The following SLC24A3 variants were observed in gnomAD, a reference collection of about 807,000 sequenced individuals.
SLC24A3 encodes the protein solute carrier family 24 member 3, also known as sodium/potassium/calcium exchanger 3.
SLC24A3 carries 28 observed loss-of-function variants against 75.8 expected under a neutral mutation model. The ratio of observed to expected loss-of-function variants is 0.37; its 90% confidence interval spans 0.27 to 0.51. SLC24A3 has a LOEUF of 0.51. Ranked by LOEUF, SLC24A3 falls within the 20% of genes least tolerant of loss-of-function variation. SLC24A3 has a pLI of 0.94. For synonymous variants in SLC24A3, 372 were observed against 334.1 expected (o/e 1.11, Z -1.24); for missense variants, 663 against 847.8 (o/e 0.78, Z 2.71).
chr20:19,557,511 G>A (rs1211142528), intron 3 of SLC24A3, among the ~76,000 whole-genome samples: 1 of 152,068 alleles, frequency 6.6e-6, no homozygotes, highest in Non-Finnish European at 1.5e-5. Flanking sequence ...AAACTCAGTA[G>A]CTGTCTCCAA....
intron 3 of SLC24A3, among the ~76,000 whole-genome samples, chr20:19,538,002 A>C (rs986623883): frequency 6.6e-6 from 1 of 152,074 alleles, no homozygotes; most frequent in Non-Finnish European, 1.5e-5. Context: ...CATTGTGCAC[A>C]TGTACCCTAA....
intron 2 of SLC24A3, among the ~76,000 whole-genome samples, chr20:19,327,819 A>G (rs959908766): frequency 6.6e-6 from 1 of 152,150 alleles, no homozygotes; most frequent in Non-Finnish European, 1.5e-5. Flanking sequence ...TTTATTGGAC[A>G]CCCACTGTGT....
At chr20:19,382,445 A>T (rs1017413021) in intron 2 of SLC24A3, among the ~76,000 whole-genome samples, 1 of 152,210 alleles carries the variant, frequency 6.6e-6, no homozygotes, top group Non-Finnish European at 1.5e-5. Flanking sequence ...TAGTGATTGA[A>T]ATTAAGCAAT....
chr20:19,672,033 C>A (rs1486449784), intron 8 of SLC24A3, among the ~76,000 whole-genome samples: 3 of 151,852 alleles, frequency 2.0e-5, no homozygotes, highest in Non-Finnish European at 1.5e-5. Context: ...TCAGATGCTA[C>A]CAGGAAATCG....
chr20:19,215,259 G>A (rs1280579318), intron 1 of SLC24A3, among the ~76,000 whole-genome samples: 2 of 152,184 alleles, frequency 1.3e-5, no homozygotes, highest in African/African-American at 4.8e-5. Context: ...TACAGATACT[G>A]AAGTTTGGAA....
chr20:19,418,865 T>C (rs1301724554), intron 2 of SLC24A3, among the ~76,000 whole-genome samples: 1 of 152,064 alleles, frequency 6.6e-6, no homozygotes, highest in African/African-American at 2.4e-5. Context: ...AGGAGCCAAT[T>C]TGGAGAGATT....
intron 2 of SLC24A3, among the ~76,000 whole-genome samples, chr20:19,419,826 T>TTC (rs1403130190): frequency 3.3e-5 from 5 of 151,370 alleles, no homozygotes; most frequent in African/African-American, 1.2e-4. Flanking sequence ...AGCCAAGTTT[T>TTC]TTTTTTTTTT....
At chr20:19,417,407 C>T (rs946279743) in intron 2 of SLC24A3, among the ~76,000 whole-genome samples, 4 of 152,114 alleles carry the variant, frequency 2.6e-5, no homozygotes, top group Admixed American at 2.6e-4. Context: ...GGAACAATAG[C>T]GGGCAGATGA....
intron 1 of SLC24A3, chr20:19,242,371 C>T (rs370875830): frequency 1.3e-5 from 2 of 152,136 alleles, no homozygotes; most frequent in Non-Finnish European, 2.9e-5. Flanking sequence ...CAGTTTTGCT[C>T]GTATTGCATT....
chr20:19,509,448 A>G (rs368477270), intron 2 of SLC24A3, among the ~76,000 whole-genome samples: 1 of 152,208 alleles, frequency 6.6e-6, no homozygotes, highest in African/African-American at 2.4e-5. Context: ...CTAGAAGTGA[A>G]CCAACTGAGG....
At chr20:19,405,032 G>A (rs183995253) in intron 2 of SLC24A3, among the ~76,000 whole-genome samples, 49 of 152,172 alleles carry the variant, frequency 3.2e-4, no homozygotes, top group Admixed American at 2.0e-3. Context: ...ACTAGCCAGT[G>A]CCCCAGGAGG....
intron 9 of SLC24A3, among the ~76,000 whole-genome samples, chr20:19,680,106 GTGTGTC>G (rs757542458): frequency 8.8e-5 from 12 of 136,008 alleles, no homozygotes; most frequent in Non-Finnish European, 6.3e-5. Flanking sequence ...GTGTGCGAGT[GTGTGTC>G]TGTGTCTGTG....
chr20:19,636,815 C>A (rs1254024939), intron 6 of SLC24A3, among the ~76,000 whole-genome samples: 5 of 152,144 alleles, frequency 3.3e-5, no homozygotes, highest in Non-Finnish European at 7.3e-5. Flanking sequence ...AAAGGAAGGA[C>A]CAAAATGGGT....
chr20:19,276,029 G>A (rs982713736), intron 1 of SLC24A3, among the ~76,000 whole-genome samples: 5 of 152,216 alleles, frequency 3.3e-5, no homozygotes, highest in African/African-American at 1.2e-4. Flanking sequence ...CTCAAGTATA[G>A]CTTTGTGGAG....
intron 2 of SLC24A3, among the ~76,000 whole-genome samples, chr20:19,368,078 C>T (rs1985927671): frequency 6.6e-6 from 1 of 152,078 alleles, no homozygotes; most frequent in Non-Finnish European, 1.5e-5. Context: ...AAGAATAGGG[C>T]TGTGAGGGTG....
intron 5 of SLC24A3, 112 bp downstream of exon 5, chr20:19,585,167 C>T: frequency 1.0e-6 from 1 of 954,912 alleles, no homozygotes; most frequent in Non-Finnish European, 1.6e-6. Context: ...AAATGATAAT[C>T]CAGGGACCCC....
intron 2 of SLC24A3, among the ~76,000 whole-genome samples, chr20:19,397,152 A>G (rs1986468195): frequency 6.6e-6 from 1 of 152,208 alleles, no homozygotes; most frequent in South Asian, 2.1e-4. Flanking sequence ...CTCAATGTAA[A>G]CATATCATAC....
chr20:19,534,590 T>G, intron 3 of SLC24A3, among the ~76,000 whole-genome samples: 1 of 152,136 alleles, frequency 6.6e-6, no homozygotes, highest in Non-Finnish European at 1.5e-5. Context: ...TGTTCGTATT[T>G]TTAGTAGAGA....
intron 1 of SLC24A3, among the ~76,000 whole-genome samples, chr20:19,230,525 A>G (rs1366700668): frequency 6.6e-6 from 1 of 151,968 alleles, no homozygotes; most frequent in Admixed American, 6.6e-5. Context: ...ATTAATCTCC[A>G]GAAGGCTCCA....
Sources: allele counts gnomAD v4.1 joint callset (sites outside exome capture counted in the v4.1 genomes callset), GRCh38; gene constraint gnomAD v4.1.1; transcripts MANE v1.5; gene names NCBI Gene and HGNC (gene_info 2026-07-23, HGNC 2026-07-21).